LAMA3: variants seen among roughly 807,000 people sequenced by gnomAD.
LAMA3 encodes laminin subunit alpha-3.
In LAMA3, 281 loss-of-function variants were observed where a neutral mutation model predicts 402.0. The ratio of observed to expected loss-of-function variants is 0.70; its 90% CI spans 0.63 to 0.77. The LOEUF (loss-of-function observed/expected upper bound fraction) is 0.77, where lower values mean the gene tolerates loss of function less well. Ranked by LOEUF, LAMA3 falls within the 30% of genes least tolerant of loss-of-function variation. LAMA3 has a pLI of 0.00. For synonymous variants in LAMA3, 1,431 were observed against 1,558.4 expected, an observed-to-expected ratio of 0.92 and a Z score of 1.93; for missense variants, 3,840 against 4,215.5, an observed-to-expected ratio of 0.91 and a Z score of 2.47.
intron 44 of LAMA3, among the ~76,000 whole-genome samples, chr18:23,895,897 C>T (rs929020897): frequency 2.0e-5 from 3 of 152,060 alleles, no homozygotes; most frequent in Non-Finnish European, 2.9e-5. Context: ...TTGATTCTAA[C>T]GTAGGCATAT....
At chr18:23,782,186 C>G (rs896010557) in intron 11 of LAMA3, among the ~76,000 whole-genome samples, 3 of 152,300 alleles carry the variant, frequency 2.0e-5, no homozygotes, top group African/African-American at 7.2e-5. Context: ...GTGGACCCAG[C>G]TGAATCTTTG....
At position 23,763,820 on chromosome 18, in the gene LAMA3, A is replaced by T. The variant is rs376233655; in HGVS notation, c.1182+297A>T. On this transcript the variant is annotated intron_variant, in intron 8 of 74. Transcript: ENST00000313654. ...CTCTGGCTGCTATCCAACTTGTGAT[A>T]GAAAAACTCTAAGATAGGAGGACAA... Among the ~76,000 whole-genome samples, 129 of 152,342 alleles carry T rather than the reference A, an allele frequency of 8.5e-4. 3 individuals carry two copies. In the South Asian group the frequency reaches 0.026, roughly 30 times the overall value.
intron 2 of LAMA3, among the ~76,000 whole-genome samples, chr18:23,717,706 C>T: frequency 6.8e-6 from 1 of 148,126 alleles, no homozygotes. Context: ...GTGCCCACCA[C>T]CATGCCTGGC....
Position 23,881,912 on chromosome 18 carries a change from A to C in LAMA3, c.5113-24A>C, listed in dbSNP as rs377188361. On this transcript the variant is annotated intron_variant, in intron 39 of 74. Coordinates refer to ENST00000313654, the MANE Select transcript of LAMA3 (RefSeq NM_198129.4). ...GTAGGGACTGTACTGGCTGCTGTGA[A>C]TTGTGCTGTTCACCTGTCCCCAGAA... The C allele has an allele frequency of 1.7e-5, 26 of 1,488,498 alleles. No individual in the cohort carries two copies. In the African/African-American group the frequency reaches 3.4e-4, roughly 20 times the overall value. 92.2% of individuals were successfully genotyped at this position (1,488,498 alleles called of 1,614,324 possible). A position where few individuals can be genotyped will look rare whatever the true frequency, so the allele number is the denominator to read the frequency against.
intron 12 of LAMA3, among the ~76,000 whole-genome samples, chr18:23,806,475 A>G (rs144742044): frequency 6.6e-6 from 1 of 152,212 alleles, no homozygotes; most frequent in Non-Finnish European, 1.5e-5. Context: ...GGGGTCTTCC[A>G]TGACAGCTGC....
intron 1 of LAMA3, among the ~76,000 whole-genome samples, chr18:23,696,630 A>G (rs902346366): frequency 1.1e-4 from 16 of 152,062 alleles, no homozygotes; most frequent in African/African-American, 3.9e-4. Context: ...CCTCTCAAGT[A>G]GCTGAGATTA....
At chr18:23,868,139 C>T (rs1046898956) in intron 37 of LAMA3, among the ~76,000 whole-genome samples, 21 of 152,108 alleles carry the variant, frequency 1.4e-4, no homozygotes, top group African/African-American at 4.8e-4. Context: ...AAAGGAAATG[C>T]TCACTGGAGC....
At chr18:23,826,060 C>T (rs564581324) in intron 21 of LAMA3, among the ~76,000 whole-genome samples, 77 of 152,206 alleles carry the variant, frequency 5.1e-4, no homozygotes, top group Non-Finnish European at 8.2e-4. Context: ...CTCCCCTCTT[C>T]CCTCTGCAGA....
intron 1 of LAMA3, among the ~76,000 whole-genome samples, chr18:23,690,611 G>A (rs1395967981): frequency 6.6e-6 from 1 of 152,096 alleles, no homozygotes; most frequent in East Asian, 1.9e-4. Context: ...TGCATGTTAA[G>A]CAGCATCTTG....
chr18:23,820,041 A>G, intron 19 of LAMA3, 44 bp downstream of exon 19: 1 of 1,605,108 alleles, frequency 6.2e-7, no homozygotes, highest in South Asian at 1.1e-5. Context: ...AGTAGCTCAG[A>G]TACTTCCCCA....
At position 23,763,423 on chromosome 18, in the gene LAMA3, A is replaced by T; in HGVS notation, c.1082A>T (p.His361Leu). 1 of 1,613,552 alleles carries T rather than the reference A, an allele frequency of 6.2e-7. No individual in the cohort carries two copies. The highest frequency in any genetic ancestry group is 8.5e-7 in the Non-Finnish European group (1 of 1,179,426). Residue 361 changes from histidine (H) to leucine (L), a missense_variant, in exon 8 of 75, where the codon CAT becomes CTT. By Grantham distance (99) the His-to-Leu change is moderately conservative. Around this residue, in one of 3 missense-constraint regions of LAMA3, gnomAD observed 2,109 missense variants for 2,376.0 expected, o/e 0.89. Coordinates refer to ENST00000313654, the MANE Select transcript of LAMA3 (RefSeq NM_198129.4). The stretch of plus-strand genomic sequence containing the variant: ...TTTTCAGCATGCAACTGCCACGGCC[A>T]TGCCAGCAACTGTTACTATGATCCA... ...HECEACNCHG[H>L]ASNCYYDPDV...
rs547742221 is a variant in LAMA3 at position 23,846,458 on chromosome 18, G to A, written c.3881G>A (p.Arg1294Gln). The A allele has an allele frequency of 2.7e-5, 43 of 1,613,278 alleles. 1 individual carries two copies. The South Asian group carries it at 3.0e-4, about 11-fold the overall frequency. Residue 1294 changes from arginine to glutamine, a missense_variant, in exon 31 of 75, where the codon CGG becomes CAG. Physicochemically the swap from Arg to Gln is conservative, Grantham distance 43. Around this residue, in one of 3 missense-constraint regions of LAMA3, gnomAD observed 2,109 missense variants for 2,376.0 expected, o/e 0.89. Coordinates refer to ENST00000313654, the MANE Select transcript of LAMA3 (RefSeq NM_198129.4). Reference protein sequence around the residue: ...QCPCQPNVIGRQCTRCATGHY... With the variant: ...QCPCQPNVIGQQCTRCATGHY... ...CCATGCCAGCCCAACGTCATCGGGCGGCAGTGCACCCGCTGTGCAACAGGC... is the reference window on the plus strand; with the variant it reads ...CCATGCCAGCCCAACGTCATCGGGCAGCAGTGCACCCGCTGTGCAACAGGC...
At chr18:23,758,641 T>A in intron 7 of LAMA3, 130 bp downstream of exon 7, 1 of 666,270 alleles carries the variant, frequency 1.5e-6, no homozygotes, top group South Asian at 1.8e-5. Flanking sequence ...GTCTGTCTAT[T>A]GTAATAAGAA....
chr18:23,739,395 A>G (rs2146053415), intron 2 of LAMA3, among the ~76,000 whole-genome samples: 1 of 152,346 alleles, frequency 6.6e-6, no homozygotes. Context: ...ATTCTGACTA[A>G]TAAAATTAAA....
chr18:23,773,727 A>C (rs564648952), intron 9 of LAMA3, 140 bp downstream of exon 9: 4 of 688,582 alleles, frequency 5.8e-6, no homozygotes, highest in Non-Finnish European at 1.1e-5. Context: ...ATGTGACCTC[A>C]GTCACTTACA....
intron 1 of LAMA3, chr18:23,710,370 T>C (rs1474370525): frequency 1.5e-4 from 49 of 328,042 alleles, no homozygotes; most frequent in Non-Finnish European, 4.1e-5. Flanking sequence ...TTATCTTCTC[T>C]CAAAACCTTG....
intron 12 of LAMA3, among the ~76,000 whole-genome samples, chr18:23,807,850 G>T (rs901767245): frequency 1.3e-5 from 2 of 152,206 alleles, no homozygotes; most frequent in African/African-American, 4.8e-5. Context: ...AGTTAGCCAA[G>T]TTGACACAAA....
intron 48 of LAMA3, 125 bp from the exon 49 acceptor site, chr18:23,902,884 C>T (rs2081120292): frequency 1.4e-6 from 1 of 731,296 alleles, no homozygotes; most frequent in Non-Finnish European, 2.5e-6. Context: ...ATTGCCTAGA[C>T]AATGTTCAGG....
intron 23 of LAMA3, among the ~76,000 whole-genome samples, chr18:23,832,249 A>G (rs1294586777): frequency 6.6e-6 from 1 of 152,174 alleles, no homozygotes; most frequent in Admixed American, 6.5e-5. Flanking sequence ...GGAGATGCCC[A>G]GGGGAGAAAT....
Sources: allele counts gnomAD v4.1 joint callset (sites outside exome capture counted in the v4.1 genomes callset), GRCh38; gene constraint gnomAD v4.1.1; regional missense constraint gnomAD v4.1.1; transcripts MANE v1.5; gene names NCBI Gene and HGNC (gene_info 2026-07-23, HGNC 2026-07-21).